Variants in RRAS2 observed in about 807,000 individuals in gnomAD.
RRAS2 encodes RAS related 2, also known as ras-related protein R-Ras2.
A neutral mutation model predicts 27.6 loss-of-function variants in RRAS2; 7 were observed. The ratio of observed to expected loss-of-function variants is 0.25; its 90% CI spans 0.14 to 0.48. The LOEUF (loss-of-function observed/expected upper bound fraction) is 0.48. Ranked by LOEUF, RRAS2 falls within the 20% of genes least tolerant of loss-of-function variation. The pLI is 0.99. For missense variants in RRAS2, 178 were observed against 256.2 expected (o/e 0.69, Z 2.08); for synonymous variants, 86 against 90.9 (o/e 0.95, Z 0.31).
chr11:14,283,773 G>T (rs1178230227), intron 4 of RRAS2, among the ~76,000 whole-genome samples: 1 of 152,082 alleles, frequency 6.6e-6, no homozygotes, highest in Non-Finnish European at 1.5e-5. Flanking sequence ...TCCTGATATT[G>T]TGTCTTTTCT....
At chr11:14,339,386 T>C (rs1424053997) in intron 1 of RRAS2, among the ~76,000 whole-genome samples, 1 of 152,028 alleles carries the variant, frequency 6.6e-6, no homozygotes, top group Non-Finnish European at 1.5e-5. Flanking sequence ...CTTTTCTGTC[T>C]ATAAAGCCAA....
At chr11:14,332,539 G>A (rs543976623) in intron 1 of RRAS2, among the ~76,000 whole-genome samples, 1 of 152,072 alleles carries the variant, frequency 6.6e-6, no homozygotes, top group Admixed American at 6.5e-5. Context: ...AAGAACCATA[G>A]AAACAAGCAA....
chr11:14,359,317 T>C (rs1849157115), upstream of RRAS2: 1 of 280,744 alleles, frequency 3.6e-6, no homozygotes, highest in African/African-American at 2.3e-5. Flanking sequence ...CTCTAATCCC[T>C]AGCCAGTGAG....
At chr11:14,325,725 TA>T (rs2134003270) in intron 1 of RRAS2, among the ~76,000 whole-genome samples, 1 of 152,330 alleles carries the variant, frequency 6.6e-6, no homozygotes, top group African/African-American at 2.4e-5. Context: ...GTCTTTGTCT[TA>T]AAAAAATTTA....
chr11:14,361,763 T>G (rs1312160984), upstream of RRAS2, among the ~76,000 whole-genome samples: 4 of 152,238 alleles, frequency 2.6e-5, no homozygotes, highest in East Asian at 1.9e-4. Context: ...CTGAGAGAAA[T>G]GAAGACATAT....
intron 1 of RRAS2, among the ~76,000 whole-genome samples, chr11:14,326,534 T>C (rs564381197): frequency 6.6e-6 from 1 of 152,328 alleles, no homozygotes; most frequent in African/African-American, 2.4e-5. Context: ...TAAACAAGTA[T>C]CACCAATTCT....
intron 1 of RRAS2, among the ~76,000 whole-genome samples, chr11:14,350,378 G>C (rs1218830777): frequency 6.6e-6 from 1 of 152,050 alleles, no homozygotes; most frequent in African/African-American, 2.4e-5. Context: ...ACCACAGCAG[G>C]TTGTTAAAAA....
intron 1 of RRAS2, among the ~76,000 whole-genome samples, chr11:14,327,695 A>G (rs1429486918): frequency 6.6e-6 from 1 of 152,168 alleles, no homozygotes; most frequent in East Asian, 1.9e-4. Context: ...ATTTTCCCCT[A>G]TTTAGCCAGA....
At chr11:14,285,844 C>G (rs782693078) in intron 4 of RRAS2, among the ~76,000 whole-genome samples, 12 of 152,150 alleles carry the variant, frequency 7.9e-5, no homozygotes, top group Non-Finnish European at 1.2e-4. Flanking sequence ...GTGCTCTTTT[C>G]CCCCCGTCTG....
At chr11:14,283,388 T>C (rs1180865861) in intron 4 of RRAS2, among the ~76,000 whole-genome samples, 2 of 152,192 alleles carry the variant, frequency 1.3e-5, no homozygotes, top group Non-Finnish European at 2.9e-5. Context: ...TGCTTTCCTC[T>C]GGTTTGGGTT....
At chr11:14,315,734 T>A (rs1848087088) in intron 1 of RRAS2, among the ~76,000 whole-genome samples, 1 of 151,298 alleles carries the variant, frequency 6.6e-6, no homozygotes, top group Admixed American at 6.6e-5. Flanking sequence ...TAAAGTCTAC[T>A]AAAAAAAAAC....
chr11:14,294,179 T>A (rs1330963866), intron 4 of RRAS2, among the ~76,000 whole-genome samples: 1 of 152,234 alleles, frequency 6.6e-6, no homozygotes, highest in African/African-American at 2.4e-5. Flanking sequence ...CAAGAAATTA[T>A]TACATGCGAA....
At chr11:14,341,713 T>C (rs1371492980) in intron 1 of RRAS2, 2 of 344,554 alleles carry the variant, frequency 5.8e-6, no homozygotes, top group Non-Finnish European at 1.2e-5. Flanking sequence ...AAATTTCCAT[T>C]TGACTACACA....
At chr11:14,280,513 G>A (rs1554944144) in intron 5 of RRAS2, among the ~76,000 whole-genome samples, 1 of 151,844 alleles carries the variant, frequency 6.6e-6, no homozygotes, top group Non-Finnish European at 1.5e-5. Context: ...GGAACACGAG[G>A]TCAGGAGTTC....
intron 1 of RRAS2, among the ~76,000 whole-genome samples, chr11:14,296,115 G>C (rs1554946584): frequency 6.6e-6 from 1 of 151,962 alleles, no homozygotes. Flanking sequence ...AGGTGGTTGG[G>C]GCTGCAATGA....
chr11:14,328,144 G>A (rs1256951784), intron 1 of RRAS2, among the ~76,000 whole-genome samples: 1 of 152,110 alleles, frequency 6.6e-6, no homozygotes, highest in African/African-American at 2.4e-5. Context: ...GAGGCAGGCG[G>A]ATCACCTGAG....
At chr11:14,309,886 A>C (rs1448977827) in intron 1 of RRAS2, among the ~76,000 whole-genome samples, 1 of 152,224 alleles carries the variant, frequency 6.6e-6, no homozygotes, top group Non-Finnish European at 1.5e-5. Flanking sequence ...CAGATGAATA[A>C]AATGTTCTGA....
chr11:14,328,655 T>C (rs886245891), intron 1 of RRAS2, among the ~76,000 whole-genome samples: 2 of 151,690 alleles, frequency 1.3e-5, no homozygotes, highest in South Asian at 2.1e-4. Flanking sequence ...GCAGATGCAA[T>C]ACACATACAC....
intron 4 of RRAS2, among the ~76,000 whole-genome samples, chr11:14,287,945 C>A (rs1413201818): frequency 6.6e-6 from 1 of 151,650 alleles, no homozygotes; most frequent in African/African-American, 2.4e-5. Flanking sequence ...ATAAAACAAT[C>A]CTGCTGCTAG....
Sources: gnomAD v4.1 joint callset for allele counts (sites outside exome capture counted in the v4.1 genomes callset) on GRCh38, gnomAD v4.1.1 for gene constraint, MANE v1.5 for transcripts, NCBI Gene and HGNC (gene_info 2026-07-23, HGNC 2026-07-21) for gene names.